Variants in KATNIP observed in about 807,000 individuals in gnomAD.
KATNIP encodes the protein katanin-interacting protein.
Under a neutral mutation model 174.0 loss-of-function variants are expected in KATNIP, and 126 were observed. That is an observed-to-expected ratio of 0.72 (90% CI 0.63 to 0.84). KATNIP has a LOEUF of 0.84. Among genes scored for constraint, KATNIP ranks in the 40% least tolerant of loss-of-function variants. The pLI is 0.00. For synonymous variants in KATNIP, 810 were observed against 835.7 expected (o/e 0.97, Z 0.53); for missense variants, 1,958 against 2,109.7 (o/e 0.93, Z 1.41).
At chr16:27,612,831 C>G (rs1418009982) in intron 2 of KATNIP, among the ~76,000 whole-genome samples, 1 of 151,958 alleles carries the variant, frequency 6.6e-6, no homozygotes, top group Non-Finnish European at 1.5e-5. Flanking sequence ...CATTTCAAAG[C>G]AGGCACGGTG....
chr16:27,634,491 T>G (rs1597008781), intron 5 of KATNIP, among the ~76,000 whole-genome samples: 3 of 151,990 alleles, frequency 2.0e-5, no homozygotes, highest in Non-Finnish European at 4.4e-5. Flanking sequence ...ATTGGGAAGG[T>G]GGGGTATCAG....
rs1194090820 is a variant in KATNIP, at chr16:27,628,739, C to T, written c.219C>T (p.Val73=). 1.2e-6 allele frequency: 2 copies of T among 1,614,236 alleles called. No homozygotes were observed. Among genetic ancestry groups the T allele is most frequent in the Non-Finnish European group, 1.7e-6 (2 of 1,180,040 alleles). ...EHLEQGFSVY[V]NGANSELKSS... is the part of the protein sequence containing the mutation. ...TGGAGCAAGGTTTCTCTGTCTATGT[C>T]AACGGTGCCAATTCGGAGCTGAAAT... The change falls in exon 4 of 28, where the codon GTC becomes GTT. Residue 73 remains valine, a synonymous_variant. Coordinates refer to ENST00000261588, the MANE Select transcript of KATNIP (RefSeq NM_015202.5).
chr16:27,759,775 G>A (rs1323661294), intron 18 of KATNIP, among the ~76,000 whole-genome samples: 1 of 152,206 alleles, frequency 6.6e-6, no homozygotes, highest in African/African-American at 2.4e-5. Flanking sequence ...CAAATCACGT[G>A]ACCCAGAGTC....
chr16:27,676,891 T>A (rs925865037), intron 6 of KATNIP, among the ~76,000 whole-genome samples: 1 of 152,156 alleles, frequency 6.6e-6, no homozygotes, highest in African/African-American at 2.4e-5. Context: ...AGGCTGGTCT[T>A]GAACTCCTGT....
intron 1 of KATNIP, among the ~76,000 whole-genome samples, chr16:27,570,005 C>T (rs1267150411): frequency 3.9e-5 from 6 of 152,080 alleles, no homozygotes; most frequent in African/African-American, 1.4e-4. Flanking sequence ...GCCTTGGCCT[C>T]CCAAAGTGCT....
chr16:27,603,020 A>G (rs1197548638), intron 2 of KATNIP, among the ~76,000 whole-genome samples: 1 of 152,120 alleles, frequency 6.6e-6, no homozygotes, highest in African/African-American at 2.4e-5. Flanking sequence ...CTTTTCAAGG[A>G]TAGTTTGGTG....
In KATNIP at chr16:27,666,868, C is replaced by A. The variant is rs144490115; in HGVS notation, c.541-10861C>A. Among the ~76,000 whole-genome samples the A allele has an allele frequency of 3.4e-4, 51 of 152,042 alleles. No homozygotes were observed. The East Asian group carries it at 9.7e-3, about 29-fold the overall frequency. On this transcript the variant is annotated intron_variant, in intron 6 of 27. Coordinates refer to ENST00000261588, the MANE Select transcript of KATNIP (RefSeq NM_015202.5). ...TTATTATGGACGTGGACTGGCAAGC[C>A]CTAAGTTTGGGTTTTTGGCGCTCAT...
intron 20 of KATNIP, among the ~76,000 whole-genome samples, chr16:27,767,021 C>T (rs2082148356): frequency 1.3e-5 from 2 of 152,118 alleles, no homozygotes; most frequent in African/African-American, 4.8e-5. Context: ...AGCAGGGGGG[C>T]GCTTCTGAGA....
chr16:27,739,545 C>T lies in KATNIP; in HGVS notation c.1744-496C>T, dbSNP rs760894405. Among the ~76,000 whole-genome samples, 6 of 152,270 alleles carry T rather than the reference C, an allele frequency of 3.9e-5. No individual in the cohort carries two copies. The South Asian group carries it at 8.3e-4, about 21-fold the overall frequency. On this transcript the variant is annotated intron_variant, in intron 14 of 27. Coordinates refer to ENST00000261588, the MANE Select transcript of KATNIP (RefSeq NM_015202.5). The stretch of plus-strand genomic sequence containing the variant: ...TACGGTCTCCCAATTATGATGCCCA[C>T]GGAGGCCAGGAAAGCTGTTTTATAA...
intron 14 of KATNIP, among the ~76,000 whole-genome samples, chr16:27,734,155 T>C (rs1339946131): frequency 1.3e-5 from 2 of 151,870 alleles, no homozygotes; most frequent in African/African-American, 4.8e-5. Context: ...CAATCTCGGC[T>C]CACTGCCACC....
chr16:27,710,351 C>T (rs946088797), intron 13 of KATNIP, among the ~76,000 whole-genome samples: 2 of 152,004 alleles, frequency 1.3e-5, no homozygotes, highest in African/African-American at 4.8e-5. Context: ...AGCAGGACTC[C>T]GTCTCAACAA....
intron 13 of KATNIP, among the ~76,000 whole-genome samples, chr16:27,715,155 G>A (rs1444798891): frequency 6.6e-6 from 1 of 152,212 alleles, no homozygotes; most frequent in African/African-American, 2.4e-5. Context: ...ATAGTCAATT[G>A]ATTCCAACAA....
At chr16:27,762,667 C>T (rs1216032978) in intron 19 of KATNIP, among the ~76,000 whole-genome samples, 3 of 152,238 alleles carry the variant, frequency 2.0e-5, no homozygotes, top group Non-Finnish European at 4.4e-5. Flanking sequence ...GTGCTGAGCT[C>T]ATGCAGAGTT....
intron 1 of KATNIP, 63 bp downstream of exon 1, chr16:27,550,240 C>A (rs2089287113): frequency 2.5e-6 from 4 of 1,571,332 alleles, no homozygotes; most frequent in South Asian, 2.3e-5. Flanking sequence ...CCCGACCGCG[C>A]TTTGGGCAGA....
At chr16:27,699,300 G>A (rs1027174902) in intron 9 of KATNIP, among the ~76,000 whole-genome samples, 11 of 152,160 alleles carry the variant, frequency 7.2e-5, no homozygotes, top group South Asian at 2.1e-4. Flanking sequence ...CAAGCCCAGG[G>A]CCCTGTCACC....
intron 18 of KATNIP, among the ~76,000 whole-genome samples, chr16:27,758,866 A>C (rs1171198627): frequency 6.6e-6 from 1 of 151,970 alleles, no homozygotes; most frequent in Non-Finnish European, 1.5e-5. Context: ...TTCTTTGTTC[A>C]TTATGTGCTT....
chr16:27,631,559 A>G (rs1318109317), intron 5 of KATNIP, among the ~76,000 whole-genome samples: 1 of 151,638 alleles, frequency 6.6e-6, no homozygotes, highest in Non-Finnish European at 1.5e-5. Context: ...AAAAAAAAAA[A>G]ACACCCTATG....
At chr16:27,752,220 G>C (rs9930236) in intron 17 of KATNIP, among the ~76,000 whole-genome samples, 1 of 152,122 alleles carries the variant, frequency 6.6e-6, no homozygotes, top group African/African-American at 2.4e-5. Flanking sequence ...AGTCTGGGGG[G>C]AGTTTTTGCT....
At chr16:27,748,913 G>A (rs189981519) in intron 15 of KATNIP, among the ~76,000 whole-genome samples, 266 of 152,064 alleles carry the variant, frequency 1.7e-3, no homozygotes, top group Middle Eastern at 3.4e-3. Context: ...CTGTTAACAC[G>A]GGTGCATGTC....
Sources: allele counts gnomAD v4.1 joint callset (sites outside exome capture counted in the v4.1 genomes callset), GRCh38; gene constraint gnomAD v4.1.1; transcripts MANE v1.5; gene names NCBI Gene and HGNC (gene_info 2026-07-23, HGNC 2026-07-21).